Variants in STX8 observed in about 807,000 individuals in gnomAD.
STX8 encodes the protein syntaxin-8.
STX8 carries 23 observed loss-of-function variants against 37.5 expected under a neutral mutation model. The observed-to-expected ratio is 0.61, with a 90% CI of 0.44 to 0.87. The LOEUF (loss-of-function observed/expected upper bound fraction) is 0.87. Ranked by LOEUF, STX8 falls within the 40% of genes least tolerant of loss-of-function variation. The pLI is 0.00. For synonymous variants in STX8, 115 were observed against 99.1 expected, an observed-to-expected ratio of 1.16 and a Z score of -0.95; for missense variants, 313 against 284.7, an observed-to-expected ratio of 1.10 and a Z score of -0.71.
intron 7 of STX8, among the ~76,000 whole-genome samples, chr17:9,260,809 C>A (rs1182711417): frequency 6.6e-6 from 1 of 152,224 alleles, no homozygotes; most frequent in African/African-American, 2.4e-5. Context: ...AGGCCAGGCC[C>A]CTACCTGGAG....
At chr17:9,354,513 G>A (rs1454827883) in intron 7 of STX8, among the ~76,000 whole-genome samples, 1 of 151,618 alleles carries the variant, frequency 6.6e-6, no homozygotes, top group Non-Finnish European at 1.5e-5. Flanking sequence ...GTAGAGACGG[G>A]GTTTCACCAT....
intron 6 of STX8, among the ~76,000 whole-genome samples, chr17:9,429,355 T>C (rs1236368961): frequency 6.9e-6 from 1 of 145,746 alleles, no homozygotes; most frequent in African/African-American, 2.5e-5. Context: ...TTATATATAA[T>C]ATATAATAAA....
At chr17:9,447,854 C>A (rs1385990981) in intron 6 of STX8, among the ~76,000 whole-genome samples, 2 of 152,090 alleles carry the variant, frequency 1.3e-5, no homozygotes, top group Non-Finnish European at 2.9e-5. Flanking sequence ...ATCATTTCAA[C>A]TGAACTAAGT....
chr17:9,456,783 A>T (rs116865400), intron 6 of STX8, among the ~76,000 whole-genome samples: 33 of 152,114 alleles, frequency 2.2e-4, no homozygotes, highest in Non-Finnish European at 3.2e-4. Context: ...ATCTTTCCAA[A>T]CATCTTTTGT....
chr17:9,519,283 C>T (rs1205382310), intron 4 of STX8, among the ~76,000 whole-genome samples: 1 of 152,182 alleles, frequency 6.6e-6, no homozygotes, highest in Non-Finnish European at 1.5e-5. Flanking sequence ...ATTCATGACT[C>T]TCACCCCATA....
rs150682084 is a variant in STX8 at position 9,516,298 on chromosome 17, CATATATATATATATATATATATATATAT to C, written c.324-11164_324-11137del. Among the ~76,000 whole-genome samples the C allele has an allele frequency of 7.3e-4, 38 of 51,720 alleles. 2 individuals carry two copies. The highest frequency in any genetic ancestry group is 3.6e-3 in the Admixed American group (13 of 3,600). The allele number at this position is 51,720 out of a possible 152,430, so 33.9% of individuals were successfully genotyped here. ...AAAAATGACACATTAGAACCACAGT[CATATATATATATATATATATATATATAT>C]ATATATATATATATATAGACACCTG... On this transcript the variant is annotated intron_variant, in intron 4 of 7. Coordinates refer to ENST00000306357, the MANE Select transcript of STX8 (RefSeq NM_004853.3).
intron 6 of STX8, among the ~76,000 whole-genome samples, chr17:9,427,596 T>C (rs1476111535): frequency 6.6e-6 from 1 of 152,082 alleles, no homozygotes; most frequent in Non-Finnish European, 1.5e-5. Context: ...GGAGATGACT[T>C]GGACAGCCTA....
At chr17:9,311,107 T>C (rs1461017624) in intron 7 of STX8, among the ~76,000 whole-genome samples, 1 of 151,880 alleles carries the variant, frequency 6.6e-6, no homozygotes, top group African/African-American at 2.4e-5. Flanking sequence ...TGTGGTGGTG[T>C]GCACCTGTAA....
chr17:9,340,649 A>AT (rs66679333), intron 7 of STX8, among the ~76,000 whole-genome samples: 16,605 of 61,806 alleles, frequency 0.27, 3,325 homozygotes, highest in Non-Finnish European at 0.33. Flanking sequence ...GTTGCACTTG[A>AT]TTTTTTTTTT....
At chr17:9,492,105 C>T (rs1023695463) in intron 5 of STX8, among the ~76,000 whole-genome samples, 184 bp from the exon 6 acceptor site, 3 of 151,948 alleles carry the variant, frequency 2.0e-5, no homozygotes, top group African/African-American at 4.8e-5. Context: ...TAAACTAAAA[C>T]GATTTCCAAA....
rs61437085 is a variant in STX8, at chr17:9,503,105, C to CAAAAAAAAAA, written c.448+1923_448+1932dup. Reference sequence around the variant, plus strand: ...TAGGCAGCAAAGCCAGACTCTGTCTCAAAAAAAAAAAAAAAAAAAAAAGAG... The same window carrying CAAAAAAAAAA: ...TAGGCAGCAAAGCCAGACTCTGTCTCAAAAAAAAAAAAAAAAAAAAAAAAAAAAAAAAGAG... On this transcript the variant is annotated intron_variant, in intron 5 of 7. Coordinates refer to ENST00000306357, the MANE Select transcript of STX8 (RefSeq NM_004853.3). 2.9e-3 allele frequency among the ~76,000 whole-genome samples: 170 copies of CAAAAAAAAAA among 58,574 alleles called. 17 individuals carry two copies. The highest frequency in any genetic ancestry group is 0.012 in the African/African-American group (156 of 13,230). 38.4% of individuals were successfully genotyped at this position (58,574 alleles called of 152,430 possible). A position where few individuals can be genotyped will look rare whatever the true frequency, so the allele number is the denominator to read the frequency against.
chr17:9,371,318 C>G (rs902640554), intron 7 of STX8, among the ~76,000 whole-genome samples: 4 of 152,154 alleles, frequency 2.6e-5, no homozygotes, highest in Non-Finnish European at 5.9e-5. Flanking sequence ...ACACTGCACC[C>G]AAGTCCTCTT....
At chr17:9,490,061 C>T (rs1184631504) in intron 6 of STX8, among the ~76,000 whole-genome samples, 1 of 152,154 alleles carries the variant, frequency 6.6e-6, no homozygotes, top group Non-Finnish European at 1.5e-5. Flanking sequence ...TATGCAAATA[C>T]ATAAATTAGC....
intron 6 of STX8, among the ~76,000 whole-genome samples, chr17:9,392,707 C>T (rs1350025367): frequency 6.6e-6 from 1 of 152,084 alleles, no homozygotes; most frequent in African/African-American, 2.4e-5. Context: ...AGAGAAGAAC[C>T]AAATGCAACT....
intron 7 of STX8, among the ~76,000 whole-genome samples, chr17:9,258,842 C>T (rs1906901431): frequency 1.3e-5 from 2 of 152,310 alleles, no homozygotes; most frequent in South Asian, 4.1e-4. Flanking sequence ...TAGCCTCAGC[C>T]CATTTTCCAC....
At chr17:9,509,424 G>C (rs1044937812) in intron 4 of STX8, among the ~76,000 whole-genome samples, 1 of 151,734 alleles carries the variant, frequency 6.6e-6, no homozygotes, top group African/African-American at 2.4e-5. Flanking sequence ...TGCCAACCAA[G>C]AATATTACAT....
chr17:9,371,108 G>A (rs1006553450), intron 7 of STX8, among the ~76,000 whole-genome samples: 7 of 152,146 alleles, frequency 4.6e-5, no homozygotes, highest in African/African-American at 9.6e-5. Context: ...ATTCATCATC[G>A]GGCCTCTCTC....
At chr17:9,397,257 G>A (rs1020692828) in intron 6 of STX8, among the ~76,000 whole-genome samples, 4 of 152,122 alleles carry the variant, frequency 2.6e-5, no homozygotes, top group Non-Finnish European at 5.9e-5. Context: ...TTAGCTGGGC[G>A]TGGTGGCGGG....
At chr17:9,276,223 A>T (rs1467288587) in intron 7 of STX8, among the ~76,000 whole-genome samples, 2 of 152,134 alleles carry the variant, frequency 1.3e-5, no homozygotes. Context: ...CTGGATAAGG[A>T]TTATTTTCTC....
Sources: allele counts gnomAD v4.1 joint callset (sites outside exome capture counted in the v4.1 genomes callset), GRCh38; gene constraint gnomAD v4.1.1; transcripts MANE v1.5; gene names NCBI Gene and HGNC (gene_info 2026-07-23, HGNC 2026-07-21).